The following RIGI variants were observed in gnomAD, a reference collection of about 807,000 sequenced individuals.
RIGI encodes the protein antiviral innate immune response receptor RIG-I.
At chr9:32,521,611 G>A in the RIGI span, among the ~76,000 whole-genome samples, 1 of 151,884 alleles carries the variant, frequency 6.6e-6, no homozygotes, top group African/African-American at 2.4e-5. Context: ...ACTTTTTTGT[G>A]TATTAGCTTC....
chr9:32,459,274 A>G, the RIGI span: 1 of 1,383,206 alleles, frequency 7.2e-7, no homozygotes, highest in Non-Finnish European at 1.0e-6. Flanking sequence ...CACAGTAACA[A>G]TGGAAATAAT....
chr9:32,458,982 CG>C, the RIGI span, among the ~76,000 whole-genome samples: 1 of 151,212 alleles, frequency 6.6e-6, no homozygotes, highest in African/African-American at 2.4e-5. Context: ...CTCTGCCTCC[CG>C]GTTCAAGCGA....
At chr9:32,521,019 C>CGT in the RIGI span, among the ~76,000 whole-genome samples, 4 of 151,498 alleles carry the variant, frequency 2.6e-5, no homozygotes, top group African/African-American at 4.9e-5. Flanking sequence ...GGTGGCATGG[C>CGT]CTGTAATCCC....
the RIGI span, among the ~76,000 whole-genome samples, chr9:32,496,810 A>G: frequency 6.6e-6 from 1 of 152,194 alleles, no homozygotes; most frequent in African/African-American, 2.4e-5. Context: ...CAGTTTTCCC[A>G]ACAACATTTG....
At chr9:32,459,231 TTCTTAGC>T in the RIGI span, 1 of 1,092,140 alleles carries the variant, frequency 9.2e-7, no homozygotes. Flanking sequence ...TTTTTTTCAC[TTCTTAGC>T]TTTTTTTAAA....
the RIGI span, among the ~76,000 whole-genome samples, chr9:32,471,761 G>C: frequency 1.3e-5 from 2 of 152,192 alleles, no homozygotes; most frequent in African/African-American, 2.4e-5. Flanking sequence ...GAACAACAAA[G>C]TTTGAAAATC....
chr9:32,497,962 A>T, the RIGI span, among the ~76,000 whole-genome samples: 3 of 152,212 alleles, frequency 2.0e-5, no homozygotes, highest in Admixed American at 1.3e-4. Context: ...GGATTAAAAT[A>T]ACTTATAATA....
At chr9:32,523,618 A>G in the RIGI span, among the ~76,000 whole-genome samples, 11 of 151,550 alleles carry the variant, frequency 7.3e-5, no homozygotes, top group African/African-American at 2.7e-4. Flanking sequence ...GAATCCATCC[A>G]TTTCTCCCCA....
the RIGI span, among the ~76,000 whole-genome samples, chr9:32,461,470 G>A: frequency 6.6e-6 from 1 of 152,200 alleles, no homozygotes; most frequent in East Asian, 1.9e-4. Flanking sequence ...ACGTGTCCCA[G>A]GTGGATCCAG....
chr9:32,484,670 T>C, the RIGI span, among the ~76,000 whole-genome samples: 60 of 152,368 alleles, frequency 3.9e-4, no homozygotes, highest in African/African-American at 1.4e-3. Context: ...TCTCATTCAC[T>C]GGTATCTTTA....
the RIGI span, chr9:32,489,443 C>T: frequency 6.2e-7 from 1 of 1,610,338 alleles, no homozygotes; most frequent in East Asian, 2.2e-5. Context: ...AAGTTTGTAT[C>T]AGACACTTCT....
chr9:32,472,879 TATATA>T, the RIGI span: 1 of 582,718 alleles, frequency 1.7e-6, no homozygotes, highest in Non-Finnish European at 2.5e-6. Context: ...GAATTTGAAA[TATATA>T]TTATATATAT....
chr9:32,487,601 C>T, the RIGI span: 3 of 1,614,024 alleles, frequency 1.9e-6, no homozygotes. Flanking sequence ...TTTTGGCATC[C>T]CCAACACCAA....
the RIGI span, chr9:32,456,795 A>G: frequency 2.0e-5 from 4 of 199,908 alleles, no homozygotes; most frequent in Non-Finnish European, 2.0e-5. Flanking sequence ...GGAGATAAAA[A>G]TTCCCAACAT....
the RIGI span, among the ~76,000 whole-genome samples, chr9:32,492,743 G>C: frequency 6.6e-6 from 1 of 152,092 alleles, no homozygotes; most frequent in Admixed American, 6.6e-5. Flanking sequence ...CTTTACACAT[G>C]ATGTCACTAT....
At chr9:32,516,869 TGAG>T in the RIGI span, among the ~76,000 whole-genome samples, 1 of 152,136 alleles carries the variant, frequency 6.6e-6, no homozygotes, top group South Asian at 2.1e-4. Context: ...AAAGCCCGAT[TGAG>T]AGAGAAAAGC....
At chr9:32,479,205 T>C in the RIGI span, among the ~76,000 whole-genome samples, 1 of 152,244 alleles carries the variant, frequency 6.6e-6, no homozygotes, top group Admixed American at 6.5e-5. Flanking sequence ...CAATTGGCTA[T>C]GTGGAATTTA....
the RIGI span, among the ~76,000 whole-genome samples, chr9:32,465,372 AG>A: frequency 1.3e-5 from 2 of 152,324 alleles, no homozygotes; most frequent in Non-Finnish European, 1.5e-5. Context: ...TGGAGCACAG[AG>A]ATTATGACTT....
the RIGI span, among the ~76,000 whole-genome samples, chr9:32,521,486 G>C: frequency 1.3e-5 from 2 of 152,066 alleles, no homozygotes; most frequent in Non-Finnish European, 2.9e-5. Context: ...ATTTTGTAGC[G>C]ACCTGTGATC....
Sources: allele counts gnomAD v4.1 joint callset (sites outside exome capture counted in the v4.1 genomes callset), GRCh38; gene constraint gnomAD v4.1.1; transcripts MANE v1.5; gene names NCBI Gene and HGNC (gene_info 2026-07-23, HGNC 2026-07-21).